Variants in ZHX3 observed in about 807,000 individuals in gnomAD.
The protein encoded by ZHX3 is zinc fingers and homeoboxes 3.
Under a neutral mutation model 64.5 loss-of-function variants are expected in ZHX3, and 20 were observed. That is an observed-to-expected ratio of 0.31 (90% CI 0.22 to 0.45). The LOEUF (loss-of-function observed/expected upper bound fraction) is 0.45, where lower values mean the gene tolerates loss of function less well. Ranked by LOEUF, ZHX3 falls within the 20% of genes least tolerant of loss-of-function variation. The pLI is 1.00. For missense variants in ZHX3, 1,041 were observed against 1,195.8 expected (o/e 0.87, Z 1.91); for synonymous variants, 423 against 461.6 (o/e 0.92, Z 1.07).
chr20:41,236,567 T>C (rs1221612926), intron 2 of ZHX3, among the ~76,000 whole-genome samples: 2 of 152,190 alleles, frequency 1.3e-5, no homozygotes, highest in Admixed American at 6.5e-5. Flanking sequence ...GGGCTAGCCA[T>C]ATGTAGAAAG....
chr20:41,298,017 C>T (rs2044623944), intron 1 of ZHX3, among the ~76,000 whole-genome samples: 1 of 152,110 alleles, frequency 6.6e-6, no homozygotes, highest in Non-Finnish European at 1.5e-5. Flanking sequence ...TGTCAGCACC[C>T]GCCATGTGCA....
intron 1 of ZHX3, among the ~76,000 whole-genome samples, chr20:41,275,440 A>C (rs1390391927): frequency 6.6e-6 from 1 of 152,174 alleles, no homozygotes; most frequent in Non-Finnish European, 1.5e-5. Flanking sequence ...AAGGGAAAAA[A>C]AAATAGGCCC....
chr20:41,202,594 G>A lies in ZHX3; in HGVS notation c.2323C>T (p.Gln775Ter). The A allele has an allele frequency of 6.2e-7, 1 of 1,613,974 alleles. No individual in the cohort carries two copies. The highest frequency in any genetic ancestry group is 8.5e-7 in the Non-Finnish European group (1 of 1,180,038). Residue 775 changes from glutamine to a stop codon, truncating the protein, a stop_gained, in exon 3 of 4, where the codon CAG becomes TAG. Transcript: ENST00000683867. LOFTEE classifies it high-confidence loss of function. The surrounding 1 kb of genome is among the most constrained non-coding windows in gnomAD (Gnocchi z 7.0). ...GKVSCKKTAQ[Q>*]RHLLRQLFVQ... is the part of the protein sequence containing the mutation. ...AAGAGCTGCCGCAGCAAGTGCCGCT[G>A]CTGGGCAGTCTTTTTGCAGCTCACT...
intron 2 of ZHX3, among the ~76,000 whole-genome samples, chr20:41,250,500 A>G (rs2041938016): frequency 6.6e-6 from 1 of 152,240 alleles, no homozygotes; most frequent in South Asian, 2.1e-4. Flanking sequence ...CCTGGGCAAC[A>G]TGGCAAAACC....
At chr20:41,283,338 C>A (rs1041320488) in intron 1 of ZHX3, among the ~76,000 whole-genome samples, 2 of 152,138 alleles carry the variant, frequency 1.3e-5, no homozygotes, top group East Asian at 3.9e-4. Context: ...TTCCCAAAGT[C>A]CATAATGCAG....
At chr20:41,241,758 G>A (rs1447377838) in intron 2 of ZHX3, among the ~76,000 whole-genome samples, 1 of 152,048 alleles carries the variant, frequency 6.6e-6, no homozygotes, top group Non-Finnish European at 1.5e-5. Context: ...AAAAATTTTT[G>A]AATTGTTTTC....
intron 2 of ZHX3, among the ~76,000 whole-genome samples, chr20:41,214,476 G>A (rs2039380768): frequency 1.3e-5 from 2 of 152,304 alleles, no homozygotes; most frequent in South Asian, 2.1e-4. Flanking sequence ...TGAGCTCTCT[G>A]AGAAACCTCC....
intron 3 of ZHX3, among the ~76,000 whole-genome samples, chr20:41,199,287 C>G (rs2038021834): frequency 6.6e-6 from 1 of 152,026 alleles, no homozygotes; most frequent in Non-Finnish European, 1.5e-5. Context: ...CCATGGTTTT[C>G]TATTTCTTTT....
chr20:41,286,741 TGCTCTGTGTCCCCACCC>T (rs1336876828), intron 1 of ZHX3, among the ~76,000 whole-genome samples: 1 of 152,244 alleles, frequency 6.6e-6, no homozygotes, highest in Non-Finnish European at 1.5e-5. Flanking sequence ...CACAGAGTTT[TGCTCTGTGTCCCCACCC>T]AAATCTCCTC....
intron 2 of ZHX3, among the ~76,000 whole-genome samples, chr20:41,245,334 C>T (rs2146473447): frequency 6.6e-6 from 1 of 152,390 alleles, no homozygotes; most frequent in South Asian, 2.1e-4. Context: ...CCTCACACTT[C>T]AGCACCCACA....
At chr20:41,258,825 A>G (rs1383672771) in intron 2 of ZHX3, among the ~76,000 whole-genome samples, 1 of 152,054 alleles carries the variant, frequency 6.6e-6, no homozygotes, top group African/African-American at 2.4e-5. Context: ...AGATGATGCA[A>G]ATTCTTTCAA....
intron 3 of ZHX3, among the ~76,000 whole-genome samples, chr20:41,194,637 C>G (rs941331284): frequency 7.2e-5 from 11 of 152,284 alleles, no homozygotes; most frequent in African/African-American, 2.2e-4. Context: ...TTGAGGAGAA[C>G]TGGTGTGTTA....
At chr20:41,295,543 T>C (rs2044466576) in intron 1 of ZHX3, among the ~76,000 whole-genome samples, 1 of 152,196 alleles carries the variant, frequency 6.6e-6, no homozygotes, top group Non-Finnish European at 1.5e-5. Flanking sequence ...TCTATTTCAC[T>C]GTTGGCTGTA....
chr20:41,249,521 A>G lies in ZHX3; in HGVS notation c.-151+19469T>C, dbSNP rs1242387495. Among the ~76,000 whole-genome samples the G allele has an allele frequency of 2.0e-5, 3 of 152,176 alleles. No homozygotes were observed. The East Asian group carries it at 5.8e-4, about 29-fold the overall frequency. ...AGCAAGCGGAAGGCAGATGAGTAAT[A>G]GCCTGCACTGGGCGGCCAACCAGGC... On this transcript the variant is annotated intron_variant, in intron 2 of 3. Transcript: ENST00000683867.
At position 41,200,485 on chromosome 20, in the gene ZHX3, T is replaced by A. The variant is rs182070106; in HGVS notation, c.2860+1572A>T. Among the ~76,000 whole-genome samples the A allele has an allele frequency of 8.1e-4, 123 of 152,294 alleles. 1 individual carries two copies. Among genetic ancestry groups the A allele is most frequent in the South Asian group, 1.5e-3 (7 of 4,824 alleles). ...AAAAGTTAAACTAGCCATAAAAACC[T>A]GTTGTTCTGACTCCAGGGTGTGCCA... On this transcript the variant is annotated intron_variant, in intron 3 of 3. Coordinates refer to ENST00000683867, the MANE Select transcript of ZHX3 (RefSeq NM_001384317.1). This position sits in a 1 kb window ranked among gnomAD's most constrained non-coding sequence, Gnocchi z 4.2.
At chr20:41,191,912 T>G (rs1233560292) in intron 3 of ZHX3, among the ~76,000 whole-genome samples, 1 of 152,226 alleles carries the variant, frequency 6.6e-6, no homozygotes, top group Non-Finnish European at 1.5e-5. Context: ...TGCCTGTCTT[T>G]GGACCTCAGA....
intron 1 of ZHX3, among the ~76,000 whole-genome samples, chr20:41,293,358 T>G (rs372077536): frequency 1.3e-5 from 2 of 152,238 alleles, no homozygotes; most frequent in South Asian, 2.1e-4. Flanking sequence ...GGAAGGAGGT[T>G]TCCACAAAAC....
At chr20:41,288,682 C>A (rs1044199691) in intron 1 of ZHX3, among the ~76,000 whole-genome samples, 1 of 152,158 alleles carries the variant, frequency 6.6e-6, no homozygotes. Flanking sequence ...ATGTAACTAC[C>A]ACTCTTGTCT....
chr20:41,311,732 A>G (rs2045142530), intron 1 of ZHX3, among the ~76,000 whole-genome samples: 1 of 152,172 alleles, frequency 6.6e-6, no homozygotes, highest in Non-Finnish European at 1.5e-5. Flanking sequence ...TCTAAGTTCA[A>G]TTTTCTCAAC....
Sources: gnomAD v4.1 joint callset for allele counts (sites outside exome capture counted in the v4.1 genomes callset) on GRCh38, gnomAD v4.1.1 for gene constraint, Gnocchi (gnomAD v3.1) non-coding constraint, MANE v1.5 for transcripts, NCBI Gene and HGNC (gene_info 2026-07-23, HGNC 2026-07-21) for gene names.